The following ARHGAP17 variants were observed in gnomAD, a reference collection of about 807,000 sequenced individuals.
ARHGAP17 encodes the protein rho GTPase-activating protein 17.
In ARHGAP17, 57 loss-of-function variants were observed where a neutral mutation model predicts 99.5. The observed-to-expected ratio is 0.57, with a 90% CI of 0.46 to 0.71. The LOEUF is 0.71. Among genes scored for constraint, ARHGAP17 ranks in the 30% least tolerant of loss-of-function variants. The pLI, the probability that ARHGAP17 is intolerant of heterozygous loss-of-function variation, is 0.00. For synonymous variants in ARHGAP17, 417 were observed against 429.6 expected (o/e 0.97, Z 0.36); for missense variants, 1,000 against 1,122.4 (o/e 0.89, Z 1.56).
intron 1 of ARHGAP17, among the ~76,000 whole-genome samples, chr16:25,003,412 T>G (rs1237693942): frequency 6.6e-6 from 1 of 151,862 alleles, no homozygotes; most frequent in Non-Finnish European, 1.5e-5. Context: ...TTTTGGCATT[T>G]TTAGTAGAAA....
chr16:24,925,806 T>C (rs2050823895), intron 19 of ARHGAP17, among the ~76,000 whole-genome samples: 1 of 152,044 alleles, frequency 6.6e-6, no homozygotes, highest in Non-Finnish European at 1.5e-5. Context: ...CCTTGCCTTC[T>C]AGAAAAACTA....
chr16:24,946,869 C>T (rs1168102373), intron 14 of ARHGAP17, among the ~76,000 whole-genome samples: 2 of 152,238 alleles, frequency 1.3e-5, no homozygotes, highest in East Asian at 3.8e-4. Context: ...TATAAGCATT[C>T]AGTTCCACCT....
intron 13 of ARHGAP17, among the ~76,000 whole-genome samples, chr16:24,948,788 C>A (rs997790153): frequency 1.3e-4 from 20 of 151,400 alleles, no homozygotes; most frequent in African/African-American, 4.6e-4. Flanking sequence ...TTTCTAGGGG[C>A]ACTTTCTAGA....
intron 1 of ARHGAP17, among the ~76,000 whole-genome samples, chr16:25,003,701 G>A (rs2141496134): frequency 6.6e-6 from 1 of 151,844 alleles, no homozygotes; most frequent in Non-Finnish European, 1.5e-5. Context: ...GTGCACACCT[G>A]TAATCCCAGC....
At chr16:24,946,348 G>A (rs928473468) in intron 14 of ARHGAP17, among the ~76,000 whole-genome samples, 3 of 151,618 alleles carry the variant, frequency 2.0e-5, no homozygotes, top group East Asian at 1.9e-4. Context: ...GCCCATAAAC[G>A]ATGGAAACCA....
At chr16:24,952,705 A>C (rs1007288835) in intron 11 of ARHGAP17, among the ~76,000 whole-genome samples, 1 of 152,228 alleles carries the variant, frequency 6.6e-6, no homozygotes, top group Non-Finnish European at 1.5e-5. Context: ...TTTGCATTAT[A>C]AGCTACTCTC....
chr16:24,956,863 G>A (rs1345693230), intron 9 of ARHGAP17: 1 of 152,210 alleles, frequency 6.6e-6, no homozygotes, highest in Non-Finnish European at 1.5e-5. Context: ...AATTCAAGAG[G>A]CAAAGTGTTT....
intron 1 of ARHGAP17, among the ~76,000 whole-genome samples, chr16:24,988,759 C>A (rs2141415276): frequency 6.6e-6 from 1 of 152,280 alleles, no homozygotes; most frequent in Non-Finnish European, 1.5e-5. Context: ...CCTGCTCTAA[C>A]CACGTGGCCT....
intron 17 of ARHGAP17, among the ~76,000 whole-genome samples, chr16:24,938,949 G>A (rs529225526): frequency 2.3e-4 from 35 of 152,156 alleles, no homozygotes; most frequent in Non-Finnish European, 4.1e-4. Context: ...ATCAATCAAC[G>A]AATGGGTGAA....
chr16:24,930,518 A>G (rs2050952729), intron 19 of ARHGAP17, among the ~76,000 whole-genome samples: 1 of 152,210 alleles, frequency 6.6e-6, no homozygotes, highest in African/African-American at 2.4e-5. Context: ...AAATGTTTCC[A>G]ACTTTGTGGG....
chr16:24,990,548 T>A (rs1597464958), intron 1 of ARHGAP17, among the ~76,000 whole-genome samples: 1 of 151,496 alleles, frequency 6.6e-6, no homozygotes, highest in South Asian at 2.1e-4. Flanking sequence ...GTCCAGCTAC[T>A]TAGGAAGCTT....
chr16:24,986,619 A>G (rs1231200435), intron 1 of ARHGAP17, among the ~76,000 whole-genome samples: 1 of 152,236 alleles, frequency 6.6e-6, no homozygotes, highest in African/African-American at 2.4e-5. Flanking sequence ...GAGCTTCAAC[A>G]GCAGAACTGA....
chr16:24,975,428 G>A (rs1310886818), intron 3 of ARHGAP17, among the ~76,000 whole-genome samples: 1 of 152,212 alleles, frequency 6.6e-6, no homozygotes, highest in African/African-American at 2.4e-5. Context: ...AATGTGAAAA[G>A]GGTAAGCAGA....
At chr16:24,968,549 AT>A in intron 5 of ARHGAP17, 111 bp downstream of exon 5, 1 of 1,502,956 alleles carries the variant, frequency 6.7e-7, no homozygotes, top group Non-Finnish European at 9.2e-7. Flanking sequence ...GACTCCCCTT[AT>A]TTCCAAAAAG....
In ARHGAP17 at chr16:24,935,237, CTGTT is replaced by C. The variant is rs566177574; in HGVS notation, c.1894+229_1894+232del. On this transcript the variant is annotated intron_variant, in intron 18 of 19. Coordinates refer to ENST00000289968, the MANE Select transcript of ARHGAP17 (RefSeq NM_001006634.3). ...ACTGGGAGCATTTCTGCAGAACTGA[CTGTT>C]TGTTAAGCTTTGTCACGCCTAAGGA... Among the ~76,000 whole-genome samples, 90 of 152,316 alleles carry C rather than the reference CTGTT, an allele frequency of 5.9e-4. 1 individual carries two copies. The South Asian group carries it at 0.014, about 24-fold the overall frequency.
intron 1 of ARHGAP17, among the ~76,000 whole-genome samples, chr16:24,984,344 C>A (rs965080982): frequency 6.6e-6 from 1 of 152,156 alleles, no homozygotes; most frequent in South Asian, 2.1e-4. Flanking sequence ...TCCTCCCCAG[C>A]GGCAAGCTCA....
At chr16:24,933,847 C>A (rs1377761611) in intron 18 of ARHGAP17, among the ~76,000 whole-genome samples, 1 of 152,096 alleles carries the variant, frequency 6.6e-6, no homozygotes, top group Non-Finnish European at 1.5e-5. Flanking sequence ...TGCGAAGAAG[C>A]CTGGGAGCTG....
chr16:24,930,470 A>G (rs1057213303), intron 19 of ARHGAP17, among the ~76,000 whole-genome samples: 1 of 152,242 alleles, frequency 6.6e-6, no homozygotes, highest in Non-Finnish European at 1.5e-5. Context: ...ACAAGCAACT[A>G]TAAGTCAGGG....
intron 1 of ARHGAP17, among the ~76,000 whole-genome samples, chr16:24,993,430 C>CA (rs565851198): frequency 6.6e-6 from 1 of 150,666 alleles, no homozygotes; most frequent in Admixed American, 6.6e-5. Flanking sequence ...TACTAAAATA[C>CA]AAAAAAAAAT....
Sources: gnomAD v4.1 joint callset for allele counts (sites outside exome capture counted in the v4.1 genomes callset) on GRCh38, gnomAD v4.1.1 for gene constraint, MANE v1.5 for transcripts, NCBI Gene and HGNC (gene_info 2026-07-23, HGNC 2026-07-21) for gene names.